Variants in AMZ1 observed in about 807,000 individuals in gnomAD.
The protein encoded by AMZ1 is archaemetzincin-1.
A neutral mutation model predicts 29.9 loss-of-function variants in AMZ1; 39 were observed. The observed-to-expected ratio is 1.30, with a 90% CI of 1.01 to 1.70. AMZ1 has a LOEUF of 1.70. Ranked by LOEUF, AMZ1 falls within the 40% of genes most tolerant of loss-of-function variation. The pLI is 0.00. For synonymous variants in AMZ1, 458 were observed against 304.0 expected, an observed-to-expected ratio of 1.51 and a Z score of -5.27; for missense variants, 1,041 against 680.6, an observed-to-expected ratio of 1.53 and a Z score of -5.89.
chr7:2,710,833 G>C (rs963366068), intron 6 of AMZ1, among the ~76,000 whole-genome samples: 1 of 152,212 alleles, frequency 6.6e-6, no homozygotes, highest in South Asian at 2.1e-4. Flanking sequence ...CAGGTGGCGT[G>C]ATGGCTGGTC....
rs1200167331 is a variant in AMZ1 at position 2,709,239 on chromosome 7, T to C, written c.766T>C (p.Cys256Arg). 6.7e-7 allele frequency: 1 copy of C among 1,495,232 alleles called. No homozygotes were observed. Among genetic ancestry groups the C allele is most frequent in the East Asian group, 2.4e-5 (1 of 41,680 alleles). 92.6% of individuals were successfully genotyped at this position (1,495,232 alleles called of 1,614,324 possible). The change falls in exon 5 of 7, where the codon TGC becomes CGC. Residue 256 changes from cysteine (C) to arginine (R), a missense_variant. Coordinates refer to ENST00000683327, the MANE Select transcript of AMZ1 (RefSeq NM_001384743.1). ...CFSALGMVQC[C>R]KVTCHELCHL... ...CAGTGCCCTGGGGATGGTTCAGTGC[T>C]GCAAGGTGGGTGGGGGCTCTGGGGC...
rs1474273517 is a variant in AMZ1, at chr7:2,702,632, C to T, written c.305-90C>T. On this transcript the variant is annotated intron_variant, in intron 2 of 6. Coordinates refer to ENST00000683327, the MANE Select transcript of AMZ1 (RefSeq NM_001384743.1). ...TAGGTCCACATTGGCCTTGTTCACC[C>T]AGCAGGCCGGTGTCTGCGAGTGATT... 16 of 1,413,596 alleles carry T rather than the reference C, an allele frequency of 1.1e-5. No individual in the cohort carries two copies. The Admixed American group carries it at 3.9e-4, about 35-fold the overall frequency. The allele number at this position is 1,413,596 out of a possible 1,614,324, so 87.6% of individuals were successfully genotyped here.
At chr7:2,704,905 A>G (rs1397817065) in intron 3 of AMZ1, among the ~76,000 whole-genome samples, 1 of 152,066 alleles carries the variant, frequency 6.6e-6, no homozygotes, top group Non-Finnish European at 1.5e-5. Flanking sequence ...CCAGTGTCAC[A>G]TTTTTATAGG....
At chr7:2,696,471 A>C (rs571562244) in intron 1 of AMZ1, among the ~76,000 whole-genome samples, 39 of 149,744 alleles carry the variant, frequency 2.6e-4, no homozygotes, top group East Asian at 2.1e-3. Flanking sequence ...GTTAGCCAGG[A>C]TGGTCTCGAT....
intron 1 of AMZ1, among the ~76,000 whole-genome samples, chr7:2,699,885 G>A (rs1164230115): frequency 6.6e-6 from 1 of 152,184 alleles, no homozygotes; most frequent in Non-Finnish European, 1.5e-5. Flanking sequence ...GGCCTTGGGG[G>A]CCCTTGCCCT....
chr7:2,723,462 G>A (rs1789501404), downstream of AMZ1, among the ~76,000 whole-genome samples: 1 of 152,232 alleles, frequency 6.6e-6, no homozygotes, highest in Non-Finnish European at 1.5e-5. Flanking sequence ...AGTTTGTACT[G>A]ACCTTCTTTG....
At chr7:2,741,284 G>C (rs1019916007) in intron 4 of AMZ1, among the ~76,000 whole-genome samples, 1 of 152,114 alleles carries the variant, frequency 6.6e-6, no homozygotes, top group Non-Finnish European at 1.5e-5. Context: ...GAGCCCAGGA[G>C]GTTGAGGATG....
At chr7:2,693,929 C>T (rs747878034) in intron 1 of AMZ1, among the ~76,000 whole-genome samples, 1 of 152,208 alleles carries the variant, frequency 6.6e-6, no homozygotes, top group Non-Finnish European at 1.5e-5. Context: ...ACTTTTGCCA[C>T]CTGCCTTCCT....
chr7:2,694,776 G>A (rs959453843), intron 1 of AMZ1, among the ~76,000 whole-genome samples: 7 of 151,918 alleles, frequency 4.6e-5, no homozygotes, highest in Admixed American at 6.6e-5. Flanking sequence ...GGATTCAAGC[G>A]ATTCTCCTGC....
At position 2,731,807 on chromosome 7, in the gene AMZ1, T is replaced by C. The variant is rs932463218; in HGVS notation, n.550+21991T>C. 2.4e-5 allele frequency: 22 copies of C among 928,314 alleles called. No homozygotes were observed. The highest frequency in any genetic ancestry group is 1.8e-4 in the African/African-American group (11 of 60,928). 57.5% of individuals were successfully genotyped at this position (928,314 alleles called of 1,614,324 possible). ...GGGGAGGAAGAAAGAACAGAGAAAA[T>C]AGAAACAAAAAGATGGCAAAAAGAT... On this transcript the variant is annotated intron_variant and non_coding_transcript_variant, in intron 4 of 4. Coordinates refer to the AMZ1 transcript ENST00000489665. This position sits in a 1 kb window ranked among gnomAD's most constrained non-coding sequence, Gnocchi z 6.0.
rs766643469 is a variant in AMZ1 at position 2,731,725 on chromosome 7, A to G, written n.550+21909A>G. On this transcript the variant is annotated intron_variant and non_coding_transcript_variant, in intron 4 of 4. Coordinates refer to the AMZ1 transcript ENST00000489665. This position sits in a 1 kb window ranked among gnomAD's most constrained non-coding sequence, Gnocchi z 6.0. ...CTTGGTGGCTTTCCTAGCCAGCAGGATATCTTGCTTACTAGGAAAGTAATT... is the reference window on the plus strand; with the variant it reads ...CTTGGTGGCTTTCCTAGCCAGCAGGGTATCTTGCTTACTAGGAAAGTAATT... 3.2e-6 allele frequency: 5 copies of G among 1,553,520 alleles called. No individual in the cohort carries two copies. Among genetic ancestry groups the G allele is most frequent in the Admixed American group, 1.9e-5 (1 of 52,832 alleles).
At position 2,713,208 on chromosome 7, in the gene AMZ1, C is replaced by T. The variant is rs1017216256; in HGVS notation, c.*330C>T. On this transcript the variant is annotated 3_prime_UTR_variant, in exon 7 of 7. Coordinates refer to ENST00000683327, the MANE Select transcript of AMZ1 (RefSeq NM_001384743.1). ...AGTGGGATGTGATCATACCACTGTA[C>T]TGCAGTCTGGGCCACACAGAAAGAC... 9 of 208,912 alleles carry T rather than the reference C, an allele frequency of 4.3e-5. No individual in the cohort carries two copies. In the Admixed American group the frequency reaches 4.7e-4, roughly 11 times the overall value. The allele number at this position is 208,912 out of a possible 1,614,324, so 12.9% of individuals were successfully genotyped here. A position where few individuals can be genotyped will look rare whatever the true frequency, so the allele number is the denominator to read the frequency against.
rs370865067 is a variant in AMZ1, at chr7:2,706,650, C to T, written c.473-1938C>T. Among the ~76,000 whole-genome samples, 136 of 152,348 alleles carry T rather than the reference C, an allele frequency of 8.9e-4. 1 individual carries two copies. The highest frequency in any genetic ancestry group is 7.9e-3 in the South Asian group (38 of 4,830). ...AGCCTTTGACTTCCCGTGAGCTTTA[C>T]GCCATGTGCCTCTGCGTCTCTTCTA... On this transcript the variant is annotated intron_variant, in intron 3 of 6. Transcript: ENST00000683327.
At chr7:2,758,187 C>T (rs756337713) in intron 4 of AMZ1, among the ~76,000 whole-genome samples, 9 of 152,148 alleles carry the variant, frequency 5.9e-5, no homozygotes, top group African/African-American at 1.4e-4. Context: ...CCCCAACTAT[C>T]GATGCTTACA....
chr7:2,695,074 C>T (rs1787626979), intron 1 of AMZ1, among the ~76,000 whole-genome samples: 1 of 152,210 alleles, frequency 6.6e-6, no homozygotes, highest in Admixed American at 6.5e-5. Flanking sequence ...ATCTCAGCTG[C>T]TTCTGGCTGA....
At chr7:2,721,986 G>A (rs1180809866), downstream of AMZ1, among the ~76,000 whole-genome samples, 1 of 152,240 alleles carries the variant, frequency 6.6e-6, no homozygotes, top group African/African-American at 2.4e-5. Flanking sequence ...CGGCGCAGGT[G>A]GTGCTGGCGC....
intron 1 of AMZ1, among the ~76,000 whole-genome samples, chr7:2,695,947 T>C (rs1241917301): frequency 3.4e-5 from 5 of 146,604 alleles, no homozygotes; most frequent in African/African-American, 1.3e-4. Flanking sequence ...AGGCGGAGGT[T>C]GCAGTGAGCT....
Position 2,709,095 on chromosome 7 carries a change from G to A in AMZ1, c.622G>A (p.Ala208Thr), listed in dbSNP as rs376694807. 124 of 1,598,016 alleles carry A rather than the reference G, an allele frequency of 7.8e-5. No homozygotes were observed. The highest frequency in any genetic ancestry group is 1.7e-4 in the Middle Eastern group (1 of 6,024). ...TCCAGAAGTGGGCGTCTGCAGCTTCGCCCGGTTCTCAGGGGAATTCCCGAA... is the reference window on the plus strand; with the variant it reads ...TCCAGAAGTGGGCGTCTGCAGCTTCACCCGGTTCTCAGGGGAATTCCCGAA... ...PGHEVGVCSF[A>T]RFSGEFPKSG... is the part of the protein sequence containing the mutation. The change falls in exon 5 of 7, where the codon GCC (alanine) becomes ACC (threonine). Residue 208 changes from alanine to threonine, a missense_variant. Coordinates refer to ENST00000683327, the MANE Select transcript of AMZ1 (RefSeq NM_001384743.1).
At chr7:2,762,805 G>A (rs1364279570), upstream of AMZ1, 9 of 1,531,134 alleles carry the variant, frequency 5.9e-6, no homozygotes, top group East Asian at 1.8e-4. Flanking sequence ...GAGCACTCAG[G>A]GCGGCCTCCC....
Sources: gnomAD v4.1 joint callset for allele counts (sites outside exome capture counted in the v4.1 genomes callset) on GRCh38, gnomAD v4.1.1 for gene constraint, Gnocchi (gnomAD v3.1) non-coding constraint, MANE v1.5 for transcripts, NCBI Gene and HGNC (gene_info 2026-07-23, HGNC 2026-07-21) for gene names.